Variants in NELL1 observed in about 807,000 individuals in gnomAD.
NELL1 encodes neural EGFL like 1, also known as protein kinase C-binding protein NELL1.
Under a neutral mutation model 107.4 loss-of-function variants are expected in NELL1, and 76 were observed. The ratio of observed to expected loss-of-function variants is 0.71; its 90% CI spans 0.59 to 0.86. The LOEUF (loss-of-function observed/expected upper bound fraction) is 0.86, where lower values mean the gene tolerates loss of function less well. Ranked by LOEUF, NELL1 falls within the 40% of genes least tolerant of loss-of-function variation. The pLI, the probability that NELL1 is intolerant of heterozygous loss-of-function variation, is 0.00. For missense variants in NELL1, 1,024 were observed against 1,005.5 expected, an observed-to-expected ratio of 1.02 and a Z score of -0.25; for synonymous variants, 353 against 341.2, an observed-to-expected ratio of 1.03 and a Z score of -0.38.
intron 12 of NELL1, among the ~76,000 whole-genome samples, chr11:20,978,676 C>G (rs752989187): frequency 3.9e-5 from 6 of 152,172 alleles, no homozygotes; most frequent in Non-Finnish European, 7.4e-5. Context: ...TGGAGAACTT[C>G]AGGATAGAAT....
At chr11:21,052,995 C>A (rs1590588689) in intron 12 of NELL1, among the ~76,000 whole-genome samples, 5 of 151,912 alleles carry the variant, frequency 3.3e-5, no homozygotes, top group African/African-American at 2.4e-5. Context: ...GAGATAGACA[C>A]TCTGTGTTTG....
chr11:21,295,715 C>T lies in NELL1; in HGVS notation c.1549+66261C>T, dbSNP rs566231665. Among the ~76,000 whole-genome samples the T allele has an allele frequency of 3.2e-4, 48 of 152,118 alleles. 4 individuals are homozygous for T. The highest frequency in any genetic ancestry group is 1.1e-3 in the African/African-American group (47 of 41,544). ...CACTTGGTCCTTGGAGTTTCCCTGA[C>T]AACTTGCATAACATTGGAACTCAGT... On this transcript the variant is annotated intron_variant, in intron 14 of 19. Coordinates refer to ENST00000357134, the MANE Select transcript of NELL1 (RefSeq NM_006157.5).
At position 21,325,119 on chromosome 11, in the gene NELL1, CA is replaced by C. The variant is rs558363485; in HGVS notation, c.1550-45728del. ...CACCTTGGAGGAAATTCTTAAAATA[CA>C]AAAAAGTACAAATGCACCGATAATT... On this transcript the variant is annotated intron_variant, in intron 14 of 19. Transcript: ENST00000357134. Among the ~76,000 whole-genome samples, 709 of 152,092 alleles carry C rather than the reference CA, an allele frequency of 4.7e-3. 4 individuals are homozygous for C. Among genetic ancestry groups the C allele is most frequent in the Non-Finnish European group, 7.7e-3 (526 of 67,914 alleles).
intron 1 of NELL1, among the ~76,000 whole-genome samples, chr11:20,671,772 T>G (rs1590193784): frequency 2.1e-5 from 3 of 141,088 alleles, no homozygotes; most frequent in South Asian, 2.5e-4. Context: ...TACAGATTGA[T>G]GGGGGGGGTG....
At chr11:20,813,076 G>C (rs1857539824) in intron 3 of NELL1, among the ~76,000 whole-genome samples, 1 of 129,000 alleles carries the variant, frequency 7.8e-6, no homozygotes, top group East Asian at 2.6e-4. Flanking sequence ...GATGGAACTA[G>C]CTGAAAGCTA....
At chr11:20,726,088 A>G (rs536660445) in intron 2 of NELL1, among the ~76,000 whole-genome samples, 1 of 152,188 alleles carries the variant, frequency 6.6e-6, no homozygotes, top group Non-Finnish European at 1.5e-5. Flanking sequence ...GGTCTTTTTT[A>G]TGACTGCATA....
At chr11:20,976,667 T>A (rs993011913) in intron 12 of NELL1, among the ~76,000 whole-genome samples, 10 of 152,336 alleles carry the variant, frequency 6.6e-5, no homozygotes, top group African/African-American at 2.2e-4. Context: ...TACTTGTACA[T>A]GGAATTATTG....
rs79536676 is a variant in NELL1 at position 21,501,163 on chromosome 11, G to A, written c.1646-33211G>A. 3.7e-3 allele frequency among the ~76,000 whole-genome samples: 561 copies of A among 152,024 alleles called. 4 individuals are homozygous for A. The highest frequency in any genetic ancestry group is 0.013 in the African/African-American group (550 of 41,468). ...TAAATGTGTCTGTATGTGTGTATGC[G>A]CCCCTAACCATGTTAATTCAGTGAA... On this transcript the variant is annotated intron_variant, in intron 15 of 19. Transcript: ENST00000357134.
chr11:21,311,926 G>A (rs537395163), intron 14 of NELL1, among the ~76,000 whole-genome samples: 1 of 152,182 alleles, frequency 6.6e-6, no homozygotes, highest in South Asian at 2.1e-4. Flanking sequence ...ATGTGATTAG[G>A]TTATAAGCTT....
chr11:21,189,656 T>C (rs949416890), intron 13 of NELL1, among the ~76,000 whole-genome samples: 4 of 146,850 alleles, frequency 2.7e-5, no homozygotes, highest in African/African-American at 1.0e-4. Flanking sequence ...TACCCTGAAA[T>C]ATTTTAGTTG....
intron 14 of NELL1, among the ~76,000 whole-genome samples, chr11:21,293,865 T>A (rs1849322154): frequency 6.6e-6 from 1 of 151,958 alleles, no homozygotes; most frequent in Non-Finnish European, 1.5e-5. Context: ...TCACTCATAA[T>A]TGGAAGTTGA....
chr11:21,253,536 G>A (rs1287144594), intron 14 of NELL1, among the ~76,000 whole-genome samples: 4 of 152,102 alleles, frequency 2.6e-5, no homozygotes, highest in Non-Finnish European at 5.9e-5. Flanking sequence ...CTAGAGCTCA[G>A]ATTCAAATGC....
chr11:21,554,951 A>G (rs931659819), intron 16 of NELL1, among the ~76,000 whole-genome samples: 6 of 151,962 alleles, frequency 3.9e-5, no homozygotes, highest in African/African-American at 1.2e-4. Context: ...TAAGCTTTCA[A>G]TTGGTATGCT....
intron 13 of NELL1, among the ~76,000 whole-genome samples, chr11:21,159,171 T>C (rs899997895): frequency 6.6e-6 from 1 of 152,162 alleles, no homozygotes. Flanking sequence ...CTCCAGCCTT[T>C]TTCTAACCAG....
intron 16 of NELL1, among the ~76,000 whole-genome samples, chr11:21,539,112 A>G (rs890516924): frequency 6.6e-6 from 1 of 152,132 alleles, no homozygotes; most frequent in Non-Finnish European, 1.5e-5. Context: ...GTGAAACGGC[A>G]GAGTTCCCTG....
intron 15 of NELL1, among the ~76,000 whole-genome samples, chr11:21,441,735 G>A (rs1853290521): frequency 6.6e-6 from 1 of 151,200 alleles, no homozygotes; most frequent in African/African-American, 2.4e-5. Flanking sequence ...ATAAATTGTT[G>A]GGTTGATAAG....
chr11:21,239,264 G>A (rs532928477), intron 14 of NELL1, among the ~76,000 whole-genome samples: 1 of 152,084 alleles, frequency 6.6e-6, no homozygotes, highest in South Asian at 2.1e-4. Flanking sequence ...TAGTCATTTT[G>A]TGTCCTTATT....
chr11:20,942,284 G>C (rs1183231180), intron 10 of NELL1, among the ~76,000 whole-genome samples: 1 of 152,126 alleles, frequency 6.6e-6, no homozygotes, highest in East Asian at 1.9e-4. Context: ...TGCCCTCTTG[G>C]CTGCTGCTGG....
At chr11:21,067,063 C>T (rs1338755755) in intron 12 of NELL1, among the ~76,000 whole-genome samples, 1 of 152,116 alleles carries the variant, frequency 6.6e-6, no homozygotes, top group Non-Finnish European at 1.5e-5. Context: ...GTGAGACCAT[C>T]TGACACATAT....
Sources: gnomAD v4.1 joint callset for allele counts (sites outside exome capture counted in the v4.1 genomes callset) on GRCh38, gnomAD v4.1.1 for gene constraint, MANE v1.5 for transcripts, NCBI Gene and HGNC (gene_info 2026-07-23, HGNC 2026-07-21) for gene names.